SPTLC3: variants seen among roughly 807,000 people sequenced by gnomAD.
SPTLC3 encodes serine palmitoyltransferase long chain base subunit 3.
SPTLC3 carries 36 observed loss-of-function variants against 59.3 expected under a neutral mutation model. The ratio of observed to expected loss-of-function variants is 0.61; its 90% CI spans 0.47 to 0.80. The LOEUF is 0.80. SPTLC3 is among the 30% of genes least tolerant of loss of function. The pLI, the probability that SPTLC3 is intolerant of heterozygous loss-of-function variation, is 0.00. For missense variants in SPTLC3, 625 were observed against 685.1 expected (o/e 0.91, Z 0.98); for synonymous variants, 257 against 240.8 (o/e 1.07, Z -0.62).
intron 2 of SPTLC3, among the ~76,000 whole-genome samples, chr20:13,060,328 C>T (rs1429299177): frequency 6.6e-6 from 1 of 152,138 alleles, no homozygotes; most frequent in Non-Finnish European, 1.5e-5. Context: ...AGCATAACCA[C>T]TAACCCCATC....
chr20:13,074,496 G>T lies in SPTLC3; in HGVS notation c.606G>T (p.Met202Ile), dbSNP rs764411535. 9 of 1,609,338 alleles carry T rather than the reference G, an allele frequency of 5.6e-6. No homozygotes were observed. Among genetic ancestry groups the T allele is most frequent in the Admixed American group, 3.4e-5 (2 of 59,300 alleles). ...GTGVASTRHEMGTLDKHKELE... is the reference protein window; with the variant it reads ...GTGVASTRHEIGTLDKHKELE... ...GCGTGGCCAGCACCAGGCATGAAATGGGTATGTACATTCACTGTTTTGAAA... is the reference window on the plus strand; with the variant it reads ...GCGTGGCCAGCACCAGGCATGAAATTGGTATGTACATTCACTGTTTTGAAA... Residue 202 changes from methionine (M) to isoleucine (I), a missense_variant and splice_region_variant, in exon 4 of 12, where the codon ATG becomes ATT. Transcript: ENST00000399002.
At chr20:13,019,013 A>G (rs544076545) in intron 1 of SPTLC3, among the ~76,000 whole-genome samples, 4 of 152,312 alleles carry the variant, frequency 2.6e-5, no homozygotes, top group South Asian at 2.1e-4. Flanking sequence ...TACTTCATCT[A>G]TCTATCACAG....
chr20:13,097,785 C>T lies in SPTLC3; in HGVS notation c.826+4208C>T, dbSNP rs74721050. 3.5e-3 allele frequency among the ~76,000 whole-genome samples: 531 copies of T among 151,990 alleles called. 4 individuals carry two copies. Among genetic ancestry groups the T allele is most frequent in the African/African-American group, 0.012 (507 of 41,438 alleles). ...TTGTATTCTCTAAACATGTCAATAC[C>T]ATAAGAGACAGTGAAAGGCTGAGGA... is the stretch of plus-strand genomic sequence containing the variant. On this transcript the variant is annotated intron_variant, in intron 6 of 11. Transcript: ENST00000399002.
At chr20:13,157,085 G>A (rs1444302348) in intron 10 of SPTLC3, among the ~76,000 whole-genome samples, 1 of 152,096 alleles carries the variant, frequency 6.6e-6, no homozygotes. Context: ...ATTACCCACG[G>A]AGGGTAGGAT....
rs1987985321 is a variant in SPTLC3, at chr20:13,061,762, A to G, written c.304-10494A>G. Among the ~76,000 whole-genome samples the G allele has an allele frequency of 2.0e-5, 3 of 152,284 alleles. No homozygotes were observed. In the South Asian group the frequency reaches 6.2e-4, roughly 32 times the overall value. ...ACTTCTTACCACCCCTGCTGCTACA[A>G]GCTTTGTCCAAACCACCATCTCCTC... On this transcript the variant is annotated intron_variant, in intron 2 of 11. Transcript: ENST00000399002.
At chr20:13,071,374 T>C (rs955772202) in intron 2 of SPTLC3, among the ~76,000 whole-genome samples, 1 of 152,196 alleles carries the variant, frequency 6.6e-6, no homozygotes. Flanking sequence ...CTACGCGTGA[T>C]GTTAGCATCA....
At chr20:13,130,258 A>T (rs2038092871) in intron 9 of SPTLC3, among the ~76,000 whole-genome samples, 1 of 152,216 alleles carries the variant, frequency 6.6e-6, no homozygotes, top group Non-Finnish European at 1.5e-5. Context: ...CTCAGGGTAA[A>T]GTTGCCCAGA....
At chr20:13,098,592 T>C (rs1403718621) in intron 6 of SPTLC3, among the ~76,000 whole-genome samples, 1 of 152,238 alleles carries the variant, frequency 6.6e-6, no homozygotes, top group African/African-American at 2.4e-5. Flanking sequence ...CAGTAACTTA[T>C]TCTTCATGCC....
At chr20:13,118,999 A>C (rs138501640) in intron 8 of SPTLC3, among the ~76,000 whole-genome samples, 46 of 152,350 alleles carry the variant, frequency 3.0e-4, no homozygotes, top group Non-Finnish European at 5.6e-4. Context: ...TGTGGGAATC[A>C]GCTGGGTAAT....
chr20:13,151,969 T>C (rs2122948495), intron 9 of SPTLC3, among the ~76,000 whole-genome samples: 1 of 152,060 alleles, frequency 6.6e-6, no homozygotes, highest in Non-Finnish European at 1.5e-5. Flanking sequence ...AGCCTTCAAC[T>C]CTCAACTGCC....
chr20:13,128,925 G>A (rs779381071), intron 9 of SPTLC3, among the ~76,000 whole-genome samples: 4 of 148,046 alleles, frequency 2.7e-5, no homozygotes, highest in Admixed American at 1.4e-4. Context: ...CACCCAAGCT[G>A]GAGTACAATG....
intron 4 of SPTLC3, among the ~76,000 whole-genome samples, chr20:13,081,343 T>C (rs1988836157): frequency 6.6e-6 from 1 of 152,218 alleles, no homozygotes; most frequent in African/African-American, 2.4e-5. Flanking sequence ...ATTAGAGAAT[T>C]TGTAAAGCCC....
intron 2 of SPTLC3, among the ~76,000 whole-genome samples, chr20:13,065,603 T>C (rs1988171935): frequency 1.3e-5 from 2 of 152,082 alleles, no homozygotes; most frequent in African/African-American, 4.8e-5. Context: ...CAATTCCATA[T>C]GGTTAAACGT....
intron 1 of SPTLC3, among the ~76,000 whole-genome samples, chr20:13,039,693 C>T (rs550926805): frequency 6.6e-6 from 1 of 151,972 alleles, no homozygotes; most frequent in South Asian, 2.1e-4. Flanking sequence ...TTATCCATTC[C>T]TAGTTTAGTG....
chr20:13,046,096 G>A (rs923806457), intron 1 of SPTLC3, among the ~76,000 whole-genome samples: 2 of 152,192 alleles, frequency 1.3e-5, no homozygotes, highest in Non-Finnish European at 2.9e-5. Context: ...AGGTTCTGAG[G>A]TCACCCACAC....
At chr20:13,080,568 T>C (rs1003543260) in intron 4 of SPTLC3, among the ~76,000 whole-genome samples, 13 of 151,504 alleles carry the variant, frequency 8.6e-5, no homozygotes, top group African/African-American at 3.2e-4. Context: ...CTCAACCCTT[T>C]TGTCATTATC....
Position 13,165,188 on chromosome 20 carries a change from A to C in SPTLC3, c.*321A>C, listed in dbSNP as rs2038968888. The C allele has an allele frequency of 4.7e-6, 1 of 214,342 alleles. No individual in the cohort carries two copies. Among genetic ancestry groups the C allele is most frequent in the Non-Finnish European group, 9.3e-6 (1 of 107,380 alleles). 13.3% of individuals were successfully genotyped at this position (214,342 alleles called of 1,614,324 possible). A position where few individuals can be genotyped will look rare whatever the true frequency, so the allele number is the denominator to read the frequency against. On this transcript the variant is annotated 3_prime_UTR_variant, in exon 12 of 12. Coordinates refer to ENST00000399002, the MANE Select transcript of SPTLC3 (RefSeq NM_018327.4). ...TGCTACTGTGCAGACCCTTTCAGGG[A>C]TTCCAACCAAATGCAAATGAGAGAA...
chr20:13,108,493 G>A (rs1465356643), intron 6 of SPTLC3, among the ~76,000 whole-genome samples: 1 of 152,210 alleles, frequency 6.6e-6, no homozygotes, highest in Non-Finnish European at 1.5e-5. Context: ...AGACCAGTGA[G>A]TGATAAGCCA....
chr20:13,084,490 G>A (rs73610449), intron 4 of SPTLC3, among the ~76,000 whole-genome samples: 1 of 152,162 alleles, frequency 6.6e-6, no homozygotes, highest in African/African-American at 2.4e-5. Flanking sequence ...CTGTGTGACC[G>A]TGGAACCTCC....
Sources: gnomAD v4.1 joint callset for allele counts (sites outside exome capture counted in the v4.1 genomes callset) on GRCh38, gnomAD v4.1.1 for gene constraint, MANE v1.5 for transcripts, NCBI Gene and HGNC (gene_info 2026-07-23, HGNC 2026-07-21) for gene names.